Variants in RHPN1 observed in about 807,000 individuals in gnomAD.
RHPN1 encodes the protein rhophilin-1.
A neutral mutation model predicts 74.7 loss-of-function variants in RHPN1; 77 were observed. The observed-to-expected ratio is 1.03, with a 90% CI of 0.86 to 1.25. The LOEUF is 1.25. Among genes scored for constraint, RHPN1 ranks in the 50% most tolerant of loss-of-function variants. The pLI is 0.00. For missense variants in RHPN1, 987 were observed against 932.2 expected (o/e 1.06, Z -0.77); for synonymous variants, 444 against 414.5 (o/e 1.07, Z -0.87).
At chr8:143,380,899 G>A (rs372686274) in intron 11 of RHPN1, 116 bp downstream of exon 11, 7 of 901,790 alleles carry the variant, frequency 7.8e-6, no homozygotes, top group East Asian at 2.7e-5. Context: ...GAATTAAACA[G>A]CAGTAGCACT....
intron 1 of RHPN1, 88 bp from the exon 2 acceptor site, chr8:143,375,465 A>T: frequency 1.2e-6 from 1 of 831,952 alleles, no homozygotes; most frequent in Non-Finnish European, 1.8e-6. Flanking sequence ...ACCCATGGGC[A>T]GGATGCACTC....
chr8:143,379,918 T>G lies in RHPN1; in HGVS notation c.1035T>G (p.His345Gln). ...YVPVSWTALV[H>Q]VKAEYFRSLA... Reference sequence around the variant, plus strand: ...CTGTCTCCTGGACTGCCCTGGTGCATGTCAAGGCCGAGTACTTCCGCTCCC... The same window carrying G: ...CTGTCTCCTGGACTGCCCTGGTGCAGGTCAAGGCCGAGTACTTCCGCTCCC... The change falls in exon 9 of 15, where the codon CAT becomes CAG. Residue 345 changes from histidine (H) to glutamine (Q), a missense_variant. Coordinates refer to ENST00000289013, the MANE Select transcript of RHPN1 (RefSeq NM_052924.3). The G allele has an allele frequency of 6.2e-7, 1 of 1,600,832 alleles. No individual in the cohort carries two copies. Among genetic ancestry groups the G allele is most frequent in the Non-Finnish European group, 8.5e-7 (1 of 1,174,436 alleles).
At position 143,379,332 on chromosome 8, in the gene RHPN1, A is replaced by C. The variant is rs200636305; in HGVS notation, c.769A>C (p.Arg257=). The part of the protein sequence containing the change: ...QRAAGAFSLL[R]ENFSHAPSPD... ...CTCCGCAGGGGCCTTCAGCCTCCTGAGGGAGAACTTCTCCCATGCGCCGAG... is the reference window on the plus strand; with the variant it reads ...CTCCGCAGGGGCCTTCAGCCTCCTGCGGGAGAACTTCTCCCATGCGCCGAG... Residue 257 remains arginine, a synonymous_variant, in exon 8 of 15, where the codon AGG becomes CGG. Transcript: ENST00000289013. 334 of 1,595,480 alleles carry C rather than the reference A, an allele frequency of 2.1e-4. 1 individual carries two copies. In the African/African-American group the frequency reaches 4.1e-3, roughly 20 times the overall value.
chr8:143,369,827 T>C (rs1056870443), intron 1 of RHPN1, among the ~76,000 whole-genome samples: 1 of 152,222 alleles, frequency 6.6e-6, no homozygotes, highest in African/African-American at 2.4e-5. Context: ...CCTCCTCCCC[T>C]CTGGGACGTC....
chr8:143,378,592 G>C (rs1342443382), intron 5 of RHPN1, 104 bp from the exon 6 acceptor site: 4 of 1,428,630 alleles, frequency 2.8e-6, no homozygotes, highest in Non-Finnish European at 3.7e-6. Flanking sequence ...CACTGGCTTT[G>C]CCTCCCCGCC....
At chr8:143,365,708 A>G (rs1309059216), upstream of RHPN1, among the ~76,000 whole-genome samples, 1 of 152,246 alleles carries the variant, frequency 6.6e-6, no homozygotes. Context: ...ATATAAAAGC[A>G]TAAAGCAGGC....
chr8:143,382,776 A>G lies in RHPN1; in HGVS notation c.*125A>G. The G allele has an allele frequency of 1.3e-6, 1 of 791,682 alleles. No homozygotes were observed. Among genetic ancestry groups the G allele is most frequent in the South Asian group, 1.8e-5 (1 of 56,908 alleles). 49.0% of individuals were successfully genotyped at this position (791,682 alleles called of 1,614,324 possible). A position where few individuals can be genotyped will look rare whatever the true frequency, so the allele number is the denominator to read the frequency against. ...CCTCATGCTGGAGGCTGCCTCGGGC[A>G]CCTGCCTGCCCATTAAAGACTGGTC... On this transcript the variant is annotated 3_prime_UTR_variant, in exon 15 of 15. Transcript: ENST00000289013.
intron 10 of RHPN1, 65 bp from the exon 11 acceptor site, chr8:143,380,524 C>T (rs1818641209): frequency 1.4e-6 from 2 of 1,393,576 alleles, no homozygotes; most frequent in South Asian, 1.5e-5. Flanking sequence ...TTGCCCACTC[C>T]TTCTGCCACG....
At chr8:143,379,582 G>T in intron 8 of RHPN1, 74 bp downstream of exon 8, 1 of 1,474,158 alleles carries the variant, frequency 6.8e-7, no homozygotes, top group Non-Finnish European at 9.0e-7. Context: ...CCAGGCATGC[G>T]TGAGCTCTCC....
In RHPN1 at chr8:143,379,423, G is replaced by C. The variant is rs1470492985; in HGVS notation, c.860G>C (p.Cys287Ser). Residue 287 changes from cysteine to serine, a missense_variant, in exon 8 of 15, where the codon TGT (cysteine) becomes TCT (serine). Transcript: ENST00000289013. Reference protein sequence around the residue: ...EQLMMAQAQECVFEGLSPPAS... With the variant: ...EQLMMAQAQESVFEGLSPPAS... Reference sequence around the variant, plus strand: ...CTCATGATGGCCCAGGCCCAGGAATGTGTGTTTGAGGGCCTCTCACCACCT... The same window carrying C: ...CTCATGATGGCCCAGGCCCAGGAATCTGTGTTTGAGGGCCTCTCACCACCT... 2.5e-6 allele frequency: 4 copies of C among 1,582,492 alleles called. No individual in the cohort carries two copies. Among genetic ancestry groups the C allele is most frequent in the Non-Finnish European group, 3.4e-6 (4 of 1,164,770 alleles).
chr8:143,371,754 A>G (rs1817835702), intron 1 of RHPN1, among the ~76,000 whole-genome samples: 1 of 152,132 alleles, frequency 6.6e-6, no homozygotes, highest in African/African-American at 2.4e-5. Context: ...TCCTAATGCA[A>G]GGCGGAAATG....
chr8:143,374,590 C>G (rs1433810347), intron 1 of RHPN1, among the ~76,000 whole-genome samples: 1 of 152,040 alleles, frequency 6.6e-6, no homozygotes, highest in African/African-American at 2.4e-5. Context: ...GCCTGGGAGC[C>G]CACCCAGGGG....
rs761122027 is a variant in RHPN1, at chr8:143,380,765, G to A, written c.1393G>A (p.Glu465Lys). The A allele has an allele frequency of 8.2e-6, 13 of 1,580,790 alleles. No individual in the cohort carries two copies. The highest frequency in any genetic ancestry group is 1.7e-4 in the Middle Eastern group (1 of 6,004). The change falls in exon 11 of 15, where the codon GAG becomes AAG. Residue 465 changes from glutamate to lysine, a missense_variant. By Grantham distance (56) the Glu-to-Lys change is moderately conservative (BLOSUM62 1). Transcript: ENST00000289013. ...TGAGGATGACTTCTGTGAGGCTGCC[G>A]AGGCCCCGGACATCCAGCGTGAGCA... is the stretch of plus-strand genomic sequence containing the variant. ...DREDDFCEAA[E>K]APDIQPKTHQ...
chr8:143,380,338 A>C, intron 10 of RHPN1, 163 bp downstream of exon 10: 1 of 682,556 alleles, frequency 1.5e-6, no homozygotes, highest in Non-Finnish European at 2.4e-6. Context: ...GTGACGGCCC[A>C]GCGCAGGGGC....
chr8:143,379,295 G>A lies in RHPN1; in HGVS notation c.752-20G>A. 6.4e-7 allele frequency: 1 copy of A among 1,561,470 alleles called. No homozygotes were observed. The highest frequency in any genetic ancestry group is 8.7e-7 in the Non-Finnish European group (1 of 1,151,610). ...GGCAGGTACAGGGCCCTGCCTGTGT[G>A]AGCACCCCTCCCTCCGCAGGGGCCT... On this transcript the variant is annotated intron_variant, in intron 7 of 14. Transcript: ENST00000289013.
At chr8:143,376,726 C>T in intron 3 of RHPN1, 73 bp downstream of exon 3, 5 of 1,460,930 alleles carry the variant, frequency 3.4e-6, no homozygotes, top group Non-Finnish European at 4.6e-6. Context: ...CATGTGTGTG[C>T]ACGCATGTGT....
chr8:143,380,182 C>A lies in RHPN1; in HGVS notation c.1216+7C>A. The A allele has an allele frequency of 6.5e-7, 1 of 1,527,528 alleles. No individual in the cohort carries two copies. Among genetic ancestry groups the A allele is most frequent in the Non-Finnish European group, 8.8e-7 (1 of 1,135,976 alleles). 94.6% of individuals were successfully genotyped at this position (1,527,528 alleles called of 1,614,324 possible). ...GAGGAGCGCAGGCAGCTTGGTAAGG[C>A]GCCCATGGGTGGAGTGCCCTGGGGC... On this transcript the variant is annotated splice_region_variant and intron_variant, in intron 10 of 14. Coordinates refer to ENST00000289013, the MANE Select transcript of RHPN1 (RefSeq NM_052924.3).
upstream of RHPN1, chr8:143,366,663 T>C (rs1387830860): frequency 1.3e-5 from 2 of 152,184 alleles, no homozygotes; most frequent in Non-Finnish European, 2.9e-5. Context: ...AATATTTTCC[T>C]TCAGGAAACA....
intron 7 of RHPN1, 33 bp downstream of exon 7, chr8:143,379,111 C>T (rs1490297146): frequency 1.8e-5 from 26 of 1,463,878 alleles, no homozygotes; most frequent in Middle Eastern, 2.3e-4. Flanking sequence ...TGGGGCACGG[C>T]GCGGTGCCAG....
Sources: gnomAD v4.1 joint callset for allele counts (sites outside exome capture counted in the v4.1 genomes callset) on GRCh38, gnomAD v4.1.1 for gene constraint, MANE v1.5 for transcripts, NCBI Gene and HGNC (gene_info 2026-07-23, HGNC 2026-07-21) for gene names.